The following BTBD9 variants were observed in gnomAD, a reference collection of about 807,000 sequenced individuals.
BTBD9 encodes the protein BTB/POZ domain-containing protein 9.
A neutral mutation model predicts 64.3 loss-of-function variants in BTBD9; 49 were observed. That is an observed-to-expected ratio of 0.76 (90% CI 0.61 to 0.97). The LOEUF is 0.97. BTBD9 is among the 50% of genes least tolerant of loss of function. The pLI is 0.00. For missense variants in BTBD9, 598 were observed against 762.1 expected (o/e 0.78, Z 2.53); for synonymous variants, 260 against 274.7 (o/e 0.95, Z 0.53).
chr6:38,495,542 C>T (rs1771916230), intron 6 of BTBD9, among the ~76,000 whole-genome samples: 3 of 152,194 alleles, frequency 2.0e-5, no homozygotes, highest in Admixed American at 2.0e-4. Context: ...GAAGCAAACA[C>T]ACTGAATTCT....
intron 8 of BTBD9, among the ~76,000 whole-genome samples, chr6:38,287,150 C>T (rs4714140): frequency 0.71 from 99,495 of 140,108 alleles, 35,860 homozygotes; most frequent in African/African-American, 0.85. Context: ...ACACATATAG[C>T]AGCCTAAATG....
At chr6:38,458,143 C>A (rs72852659) in intron 6 of BTBD9, among the ~76,000 whole-genome samples, 6 of 151,936 alleles carry the variant, frequency 3.9e-5, no homozygotes, top group Admixed American at 2.0e-4. Flanking sequence ...TCCTATAACA[C>A]GATTGGAAAA....
intron 6 of BTBD9, among the ~76,000 whole-genome samples, chr6:38,516,919 T>C (rs1428352044): frequency 6.6e-6 from 1 of 152,222 alleles, no homozygotes; most frequent in Non-Finnish European, 1.5e-5. Flanking sequence ...ATTTGCTCAC[T>C]GCACTCTGAA....
At chr6:38,610,894 C>T (rs908499934) in intron 1 of BTBD9, among the ~76,000 whole-genome samples, 1 of 148,912 alleles carries the variant, frequency 6.7e-6, no homozygotes, top group African/African-American at 2.5e-5. Flanking sequence ...TACAGCATTG[C>T]TTGTAACTGC....
chr6:38,558,152 T>C (rs969282894), intron 6 of BTBD9, among the ~76,000 whole-genome samples: 2 of 152,042 alleles, frequency 1.3e-5, no homozygotes, highest in Non-Finnish European at 2.9e-5. Context: ...CAGTCCTAGC[T>C]ACTCCAGAGG....
chr6:38,462,276 A>G (rs1053137960), intron 6 of BTBD9, among the ~76,000 whole-genome samples: 8 of 152,316 alleles, frequency 5.3e-5, no homozygotes, highest in South Asian at 2.1e-4. Flanking sequence ...TCTTTTTCCT[A>G]AAGAAAGTTT....
chr6:38,560,741 C>T (rs971048525), intron 6 of BTBD9, among the ~76,000 whole-genome samples: 5 of 152,260 alleles, frequency 3.3e-5, no homozygotes, highest in East Asian at 1.9e-4. Flanking sequence ...CCACCCTCCC[C>T]GCTCAAGTAC....
chr6:38,375,927 G>GAAAGAA (rs1554143832), intron 6 of BTBD9, among the ~76,000 whole-genome samples: 2 of 140,170 alleles, frequency 1.4e-5, no homozygotes, highest in Non-Finnish European at 3.0e-5. Flanking sequence ...AAGAAAGAAA[G>GAAAGAA]AAAGAAAGAA....
chr6:38,233,533 C>T (rs1380547537), intron 9 of BTBD9, among the ~76,000 whole-genome samples: 1 of 152,202 alleles, frequency 6.6e-6, no homozygotes, highest in East Asian at 1.9e-4. Context: ...GGGCAGAAAG[C>T]AAGGTTCTCT....
At chr6:38,194,413 G>C (rs566292443) in intron 9 of BTBD9, among the ~76,000 whole-genome samples, 41 of 152,254 alleles carry the variant, frequency 2.7e-4, no homozygotes, top group Non-Finnish European at 5.3e-4. Context: ...AGTAGGATGA[G>C]TGACAGTAGC....
At chr6:38,634,690 A>G (rs778878608) in intron 1 of BTBD9, among the ~76,000 whole-genome samples, 1 of 152,186 alleles carries the variant, frequency 6.6e-6, no homozygotes, top group South Asian at 2.1e-4. Flanking sequence ...AAAATTAGAA[A>G]TCATATCCTC....
chr6:38,224,897 TA>T (rs1763342088), intron 9 of BTBD9, among the ~76,000 whole-genome samples: 1 of 152,234 alleles, frequency 6.6e-6, no homozygotes, highest in Non-Finnish European at 1.5e-5. Context: ...AATTTCAAGG[TA>T]ATAAGTATGA....
At chr6:38,423,418 C>G (rs974587089) in intron 6 of BTBD9, among the ~76,000 whole-genome samples, 6 of 152,130 alleles carry the variant, frequency 3.9e-5, no homozygotes, top group African/African-American at 1.4e-4. Context: ...GATCCTCCCA[C>G]CTAAGCCTCC....
At chr6:38,550,093 C>T (rs1007381408) in intron 6 of BTBD9, among the ~76,000 whole-genome samples, 9 of 152,128 alleles carry the variant, frequency 5.9e-5, no homozygotes, top group African/African-American at 9.7e-5. Flanking sequence ...ATGTATCCAG[C>T]GCAGACTTCT....
At chr6:38,634,587 G>C (rs182709318) in intron 1 of BTBD9, among the ~76,000 whole-genome samples, 1 of 151,668 alleles carries the variant, frequency 6.6e-6, no homozygotes. Context: ...AAAAAAAAAG[G>C]GGGGGGAGAG....
At chr6:38,490,406 C>T (rs62398560) in intron 6 of BTBD9, among the ~76,000 whole-genome samples, 11,969 of 152,118 alleles carry the variant, frequency 0.079, 734 homozygotes, top group Non-Finnish European at 0.12. Context: ...CTGCAACCTC[C>T]GCCTCCCAGG....
rs869155666 is a variant in BTBD9 at position 38,171,846 on chromosome 6, C to CAAAAAAAAAAAAAAAAAAAAAAAAAAAAA, written c.*3110_*3138dup. 1 of 79,228 alleles carries CAAAAAAAAAAAAAAAAAAAAAAAAAAAAA rather than the reference C, an allele frequency of 1.3e-5. No homozygotes were observed. Among genetic ancestry groups the CAAAAAAAAAAAAAAAAAAAAAAAAAAAAA allele is most frequent in the Non-Finnish European group, 2.2e-5 (1 of 45,706 alleles). 4.9% of individuals were successfully genotyped at this position (79,228 alleles called of 1,614,324 possible). On this transcript the variant is annotated 3_prime_UTR_variant, in exon 11 of 11. Coordinates refer to ENST00000481247, the MANE Select transcript of BTBD9 (RefSeq NM_001099272.2). ...TCCAATGAAGTTGCCTTTCTACTCT[C>CAAAAAAAAAAAAAAAAAAAAAAAAAAAAA]AAAAAAAAAAAAAAAAAAAAAAAAA...
chr6:38,314,091 G>T (rs1762948744), intron 7 of BTBD9, among the ~76,000 whole-genome samples: 1 of 148,800 alleles, frequency 6.7e-6, no homozygotes, highest in South Asian at 2.1e-4. Flanking sequence ...AAATATTTAT[G>T]TATTTCAAAT....
chr6:38,411,658 A>T (rs895254481), intron 6 of BTBD9, among the ~76,000 whole-genome samples: 3 of 152,194 alleles, frequency 2.0e-5, no homozygotes, highest in African/African-American at 7.2e-5. Flanking sequence ...AAAAAATGCC[A>T]GGTGTAGTGA....
Sources: allele counts gnomAD v4.1 joint callset (sites outside exome capture counted in the v4.1 genomes callset), GRCh38; gene constraint gnomAD v4.1.1; transcripts MANE v1.5; gene names NCBI Gene and HGNC (gene_info 2026-07-23, HGNC 2026-07-21).